Variants in BBS12 observed in about 807,000 individuals in gnomAD.
BBS12 encodes Bardet-Biedl syndrome 12, also known as chaperonin-containing T-complex member BBS12.
In BBS12, 5 loss-of-function variants were observed where a neutral mutation model predicts 5.6. The observed-to-expected ratio is 0.89, with a 90% CI of 0.46 to 1.86. The LOEUF is 1.86. Ranked by LOEUF, BBS12 falls within the 40% of genes most tolerant of loss-of-function variation. BBS12 has a pLI of 0.01. For synonymous variants in BBS12, 308 were observed against 306.8 expected, an observed-to-expected ratio of 1.00 and a Z score of -0.04; for missense variants, 748 against 830.4, an observed-to-expected ratio of 0.90 and a Z score of 1.22.
the BBS12 span, among the ~76,000 whole-genome samples, chr4:122,707,814 G>A: frequency 2.0e-5 from 3 of 152,090 alleles, no homozygotes; most frequent in East Asian, 1.9e-4. Context: ...TCTGAGAGAA[G>A]CAGGGGCAAG....
chr4:122,717,900 CATA>C, the BBS12 span, among the ~76,000 whole-genome samples: 2 of 152,164 alleles, frequency 1.3e-5, no homozygotes, highest in Admixed American at 1.3e-4. Flanking sequence ...TATTCCATGG[CATA>C]ATGAGAGGTA....
At position 122,743,090 on chromosome 4, in the gene BBS12, G is replaced by A. The variant is rs771136797; in HGVS notation, c.1198G>A (p.Val400Met). Residue 400 changes from valine (V) to methionine (M), a missense_variant, in exon 2 of 2, where the codon GTG (valine) becomes ATG (methionine). Transcript: ENST00000314218. ...DSSEELWANH[V>M]LQVLIQFKVN... ...CTCAGAAGAACTGTGGGCAAATCAC[G>A]TGTTACAGGTGTTAATCCAGTTCAA... 119 of 1,614,144 alleles carry A rather than the reference G, an allele frequency of 7.4e-5. No individual in the cohort carries two copies. Among genetic ancestry groups the A allele is most frequent in the Middle Eastern group, 3.3e-4 (2 of 6,084 alleles).
At chr4:122,715,717 A>G in the BBS12 span, among the ~76,000 whole-genome samples, 1 of 152,184 alleles carries the variant, frequency 6.6e-6, no homozygotes, top group Non-Finnish European at 1.5e-5. Flanking sequence ...TTCCAAGAGA[A>G]GTAAAAGAAA....
At chr4:122,701,834 G>C in the BBS12 span, among the ~76,000 whole-genome samples, 1 of 152,184 alleles carries the variant, frequency 6.6e-6, no homozygotes, top group African/African-American at 2.4e-5. Context: ...AAAATCCAGT[G>C]AGTACCTCCA....
In BBS12 at chr4:122,743,459, G is replaced by A. The variant is rs1197252355; in HGVS notation, c.1567G>A (p.Ala523Thr). 1 of 1,614,072 alleles carries A rather than the reference G, an allele frequency of 6.2e-7. No individual in the cohort carries two copies. The highest frequency in any genetic ancestry group is 8.5e-7 in the Non-Finnish European group (1 of 1,180,044). ...CAAAGAAGATAGGTTCTGGACATGT[G>A]CCTATCGTTTGTATTATGCTCTAAA... The part of the protein sequence containing the change: ...QIKEDRFWTC[A>T]YRLYYALKEE... The change falls in exon 2 of 2, where the codon GCC (alanine) becomes ACC (threonine). Residue 523 changes from alanine (A) to threonine (T), a missense_variant. Coordinates refer to ENST00000314218, the MANE Select transcript of BBS12 (RefSeq NM_152618.3).
At position 122,742,681 on chromosome 4, in the gene BBS12, C is replaced by G; in HGVS notation, c.789C>G (p.Tyr263Ter). 6.2e-7 allele frequency: 1 copy of G among 1,614,202 alleles called. No individual in the cohort carries two copies. The highest frequency in any genetic ancestry group is 8.5e-7 in the Non-Finnish European group (1 of 1,180,038). ...ATGTTACAGCTACTCACAAAACTTA[C>G]AGATGTAATGATTTGGTAGAGTTGG... ...QEHVTATHKT[Y>*]RCNDLVELAV... Residue 263 changes from tyrosine to a stop codon, truncating the protein, a stop_gained, in exon 2 of 2, where the codon TAC becomes TAG. Coordinates refer to ENST00000314218, the MANE Select transcript of BBS12 (RefSeq NM_152618.3). LOFTEE classifies it low-confidence loss of function (END_TRUNC).
the BBS12 span, among the ~76,000 whole-genome samples, chr4:122,718,928 T>C: frequency 6.6e-6 from 1 of 152,150 alleles, no homozygotes; most frequent in East Asian, 1.9e-4. Flanking sequence ...CACGCCATTC[T>C]CCTGCCTCAG....
At chr4:122,708,274 C>G in the BBS12 span, among the ~76,000 whole-genome samples, 1 of 152,104 alleles carries the variant, frequency 6.6e-6, no homozygotes, top group South Asian at 2.1e-4. Context: ...GCAAGATACC[C>G]CTTTCTTTGA....
chr4:122,732,646 G>A (rs1178077301), upstream of BBS12: 1 of 152,396 alleles, frequency 6.6e-6, no homozygotes, highest in Admixed American at 6.5e-5. Flanking sequence ...TACCAATAGC[G>A]TGACGTCCCC....
intron 1 of BBS12, among the ~76,000 whole-genome samples, chr4:122,734,366 C>T (rs1166512692): frequency 1.3e-5 from 2 of 151,894 alleles, no homozygotes; most frequent in Admixed American, 6.6e-5. Context: ...CCCGGGTTCT[C>T]GCCGTTCTTC....
chr4:122,734,271 C>CT (rs1209513683), intron 1 of BBS12, among the ~76,000 whole-genome samples: 3,821 of 145,988 alleles, frequency 0.026, 142 homozygotes, highest in African/African-American at 0.086. Flanking sequence ...AGGTCATACA[C>CT]TTTTTTTTTT....
chr4:122,710,464 T>C, the BBS12 span, among the ~76,000 whole-genome samples: 1 of 152,244 alleles, frequency 6.6e-6, no homozygotes, highest in African/African-American at 2.4e-5. Context: ...ACTGGTCCAT[T>C]GCTCAGAGAG....
the BBS12 span, among the ~76,000 whole-genome samples, chr4:122,707,916 C>T: frequency 6.7e-6 from 1 of 149,496 alleles, no homozygotes; most frequent in Non-Finnish European, 1.5e-5. Context: ...GTTACATTCT[C>T]TTTAAAACAC....
the BBS12 span, among the ~76,000 whole-genome samples, chr4:122,707,422 G>A: frequency 1.3e-5 from 2 of 151,718 alleles, no homozygotes; most frequent in South Asian, 2.1e-4. Context: ...AATATAACTG[G>A]TACTTAAAAA....
rs779671886 is a variant in BBS12 at position 122,743,707 on chromosome 4, C to T, written c.1815C>T (p.Asn605=). Residue 605 remains asparagine (N), a synonymous_variant, in exon 2 of 2, where the codon AAC becomes AAT. Transcript: ENST00000314218. ...AATACCTTTCAACTCTCCTATATAA[C>T]ACTGCCAATTACTCATCAGAATTTG... ...WQKYLSTLLY[N]TANYSSEFEA... is the part of the protein sequence containing the mutation. 1.2e-6 allele frequency: 2 copies of T among 1,614,202 alleles called. No individual in the cohort carries two copies. Among genetic ancestry groups the T allele is most frequent in the South Asian group, 2.2e-5 (2 of 91,088 alleles).
Position 122,744,594 on chromosome 4 carries a change from C to T in BBS12, c.*569C>T, listed in dbSNP as rs897504509. ...ACTCAGAGCCCATAGTGGATAGTCT[C>T]TTCCAACAGTCTGCTCCTCAGCCTG... On this transcript the variant is annotated 3_prime_UTR_variant, in exon 2 of 2. Transcript: ENST00000314218. The T allele has an allele frequency of 6.0e-6, 1 of 167,572 alleles. No homozygotes were observed. Among genetic ancestry groups the T allele is most frequent in the Non-Finnish European group, 1.5e-5 (1 of 68,520 alleles). 10.4% of individuals were successfully genotyped at this position (167,572 alleles called of 1,614,324 possible). A position where few individuals can be genotyped will look rare whatever the true frequency, so the allele number is the denominator to read the frequency against.
At chr4:122,714,702 C>T in the BBS12 span, among the ~76,000 whole-genome samples, 1 of 151,880 alleles carries the variant, frequency 6.6e-6, no homozygotes, top group East Asian at 1.9e-4. Context: ...AACAGAATTC[C>T]ATACAACAGT....
chr4:122,730,381 A>T (rs1015539295), upstream of BBS12: 3 of 152,242 alleles, frequency 2.0e-5, no homozygotes, highest in Non-Finnish European at 4.4e-5. Flanking sequence ...TAGATTTAAC[A>T]TCATATTGGT....
chr4:122,743,845 C>T lies in BBS12; in HGVS notation c.1953C>T (p.Asp651=). The change falls in exon 2 of 2, where the codon GAC becomes GAT. Residue 651 remains aspartate (D), a synonymous_variant. Coordinates refer to ENST00000314218, the MANE Select transcript of BBS12 (RefSeq NM_152618.3). The stretch of plus-strand genomic sequence containing the variant: ...TAAATAGTAGAATTTTTAATTCAGA[C>T]ATTTCAAATAAACTGGAGCAGATTC... ...SKLNSRIFNS[D]ISNKLEQIPR... is the part of the protein sequence containing the mutation. 1.2e-6 allele frequency: 2 copies of T among 1,605,694 alleles called. No individual in the cohort carries two copies. Among genetic ancestry groups the T allele is most frequent in the Non-Finnish European group, 1.7e-6 (2 of 1,176,456 alleles).
Sources: gnomAD v4.1 joint callset for allele counts (sites outside exome capture counted in the v4.1 genomes callset) on GRCh38, gnomAD v4.1.1 for gene constraint, MANE v1.5 for transcripts, NCBI Gene and HGNC (gene_info 2026-07-23, HGNC 2026-07-21) for gene names.